Variants in SMPD4 observed in about 807,000 individuals in gnomAD.
SMPD4 encodes neutral sphingomyelinase 3.
In SMPD4, 58 loss-of-function variants were observed where a neutral mutation model predicts 97.8. The observed-to-expected ratio is 0.59, with a 90% CI of 0.48 to 0.74. The LOEUF is 0.74. SMPD4 is among the 30% of genes least tolerant of loss of function. The pLI, the probability that SMPD4 is intolerant of heterozygous loss-of-function variation, is 0.00. For missense variants in SMPD4, 853 were observed against 1,080.5 expected (o/e 0.79, Z 2.95); for synonymous variants, 388 against 450.0 (o/e 0.86, Z 1.74).
In SMPD4 at chr2:130,155,139, G is replaced by A. The variant is rs1483416288; in HGVS notation, c.1410C>T (p.Ala470=). The A allele has an allele frequency of 1.2e-6, 2 of 1,614,076 alleles. No individual in the cohort carries two copies. Among genetic ancestry groups the A allele is most frequent in the African/African-American group, 1.3e-5 (1 of 74,956 alleles). Residue 470 remains alanine, a synonymous_variant, in exon 15 of 20, where the codon GCC becomes GCT. Transcript: ENST00000680298. ...CCAGGTTGGGCTGGGCAAAGACTTT[G>A]GCCACTCGGAACACCATGAGCGCGT... The part of the protein sequence containing the change: ...PKHALMVFRV[A]KVFAQPNLAE...
Position 130,172,426 on chromosome 2 carries a change from C to A in SMPD4, c.582G>T (p.Trp194Cys). ...YFILVDRYLS[W>C]FLPTEGSVPP... The stretch of plus-strand genomic sequence containing the variant: ...GCACACTGCCTTCGGTGGGCAGGAA[C>A]CATGACAGGTACCTGTCCACCAGGA... Residue 194 changes from tryptophan (W) to cysteine (C), a missense_variant, in exon 8 of 20, where the codon TGG becomes TGT. Physicochemically the swap from Trp to Cys is radical, Grantham distance 215. This residue lies in a region of SMPD4 where 313 missense variants were observed against 402.2 expected (regional missense o/e 0.78). Transcript: ENST00000680298. The A allele has an allele frequency of 6.2e-7, 1 of 1,612,132 alleles. No homozygotes were observed. Among genetic ancestry groups the A allele is most frequent in the East Asian group, 2.2e-5 (1 of 44,836 alleles).
chr2:130,153,822 G>C lies in SMPD4; in HGVS notation c.1773C>G (p.Ser591Arg). Reference protein sequence around the residue: ...GHSFLSWLGFSSMDTNGSYTA... With the variant: ...GHSFLSWLGFRSMDTNGSYTA... ...TGTAGGAGCCATTGGTGTCCATGGA[G>C]CTAAAGCCCAGCCATGAGAGGAAGG... Residue 591 changes from serine (S) to arginine (R), a missense_variant, in exon 17 of 20, where the codon AGC becomes AGG. This residue lies in a region of SMPD4 where 511 missense variants were observed against 608.1 expected (regional missense o/e 0.84). Transcript: ENST00000680298. The C allele has an allele frequency of 6.2e-7, 1 of 1,614,004 alleles. No individual in the cohort carries two copies. Among genetic ancestry groups the C allele is most frequent in the Non-Finnish European group, 8.5e-7 (1 of 1,179,880 alleles).
chr2:130,157,936 G>A (rs371616729), intron 11 of SMPD4: 8 of 203,126 alleles, frequency 3.9e-5, no homozygotes, highest in East Asian at 1.3e-4. Flanking sequence ...GAAGAAGTTC[G>A]AGATTAGCCT....
intron 10 of SMPD4, among the ~76,000 whole-genome samples, chr2:130,161,528 C>T (rs1687418985): frequency 6.6e-6 from 1 of 152,222 alleles, no homozygotes; most frequent in South Asian, 2.1e-4. Flanking sequence ...GCTGTGGCCA[C>T]ACTCTCCTCG....
intron 8 of SMPD4, among the ~76,000 whole-genome samples, chr2:130,171,070 CAAAATAAAAT>C (rs766589958): frequency 1.0e-3 from 153 of 150,552 alleles, no homozygotes; most frequent in Non-Finnish European, 1.6e-3. Flanking sequence ...TCTCCAAACA[CAAAATAAAAT>C]AAAATAAAAT....
intron 16 of SMPD4, 68 bp downstream of exon 16, chr2:130,154,209 A>C: frequency 6.7e-7 from 1 of 1,486,734 alleles, no homozygotes; most frequent in South Asian, 1.4e-5. Flanking sequence ...GGATCACAGC[A>C]CTTCCCGGGT....
At chr2:130,173,792 C>T (rs1186455714) in intron 3 of SMPD4, 136 bp from the exon 4 acceptor site, 58 of 1,172,404 alleles carry the variant, frequency 4.9e-5, no homozygotes, top group Non-Finnish European at 6.9e-5. Context: ...CAGCCCTGCA[C>T]CCAAAGGAAG....
At chr2:130,163,104 A>T (rs991785135) in intron 10 of SMPD4, among the ~76,000 whole-genome samples, 2 of 152,234 alleles carry the variant, frequency 1.3e-5, no homozygotes, top group Non-Finnish European at 2.9e-5. Flanking sequence ...GAGCAACAGG[A>T]ACACAATGCG....
rs763213447 is a variant in SMPD4 at position 130,167,578 on chromosome 2, T to C, written c.672A>G (p.Ile224Met). The C allele has an allele frequency of 9.9e-6, 16 of 1,609,392 alleles. No individual in the cohort carries two copies. Among genetic ancestry groups the C allele is most frequent in the Middle Eastern group, 1.7e-4 (1 of 5,998 alleles). Residue 224 changes from isoleucine to methionine, a missense_variant, in exon 9 of 20, where the codon ATA becomes ATG. By Grantham distance (10) the Ile-to-Met change is conservative (BLOSUM62 1). Around this residue, in one of 3 missense-constraint regions of SMPD4, gnomAD observed 313 missense variants for 402.2 expected, o/e 0.78. Transcript: ENST00000680298. ...SPSPPPRTPAIPFASYGLHHT... is the reference protein window; with the variant it reads ...SPSPPPRTPAMPFASYGLHHT... Reference sequence around the variant, plus strand: ...GGTGGAGGCCATAGGAAGCAAAGGGTATGGCTGGTGTCCTGAGGGAGACAC... The same window carrying C: ...GGTGGAGGCCATAGGAAGCAAAGGGCATGGCTGGTGTCCTGAGGGAGACAC...
intron 1 of SMPD4, among the ~76,000 whole-genome samples, chr2:130,178,895 C>G (rs1489333799): frequency 6.6e-6 from 1 of 152,124 alleles, no homozygotes; most frequent in Non-Finnish European, 1.5e-5. Context: ...AATGCTCAGA[C>G]CTAGACTTCA....
At chr2:130,152,976 T>G in intron 19 of SMPD4, 67 bp downstream of exon 19, 1 of 1,567,148 alleles carries the variant, frequency 6.4e-7, no homozygotes, top group Non-Finnish European at 8.6e-7. Context: ...ACCCCAGGAC[T>G]GCACCCCAGG....
rs139167758 is a variant in SMPD4 at position 130,154,421 on chromosome 2, C to T, written c.1515G>A (p.Thr505=). The T allele has an allele frequency of 1.2e-3, 1,979 of 1,585,328 alleles. 40 individuals are homozygous for T. In the Admixed American group the frequency reaches 0.032, roughly 26 times the overall value. The change falls in exon 16 of 20, where the codon ACG becomes ACA. Residue 505 remains threonine (T), a synonymous_variant. Coordinates refer to ENST00000680298, the MANE Select transcript of SMPD4 (RefSeq NM_017951.5). ...VIPHRQHRLF[T]APTFTGSFLS... is the part of the protein sequence containing the mutation. Reference sequence around the variant, plus strand: ...GGAAGCTCCCAGTGAATGTGGGGGCCGTGAAGAGTCGGTGCTGGCGGTGGG... The same window carrying T: ...GGAAGCTCCCAGTGAATGTGGGGGCTGTGAAGAGTCGGTGCTGGCGGTGGG...
At position 130,172,725 on chromosome 2, in the gene SMPD4, C is replaced by T. The variant is rs1558761498; in HGVS notation, c.455-48G>A. ...ACATGCAGGGTTGATGAGCCACCCC[C>T]CGCTCAGTGTCAAGTGCTGGGCCAC... On this transcript the variant is annotated intron_variant, in intron 6 of 19. Coordinates refer to ENST00000680298, the MANE Select transcript of SMPD4 (RefSeq NM_017951.5). The T allele has an allele frequency of 3.7e-6, 6 of 1,614,150 alleles. No homozygotes were observed. In the East Asian group the frequency reaches 1.3e-4, roughly 36 times the overall value.
At chr2:130,165,219 G>A (rs185010632) in intron 9 of SMPD4, among the ~76,000 whole-genome samples, 13 of 150,392 alleles carry the variant, frequency 8.6e-5, no homozygotes, top group African/African-American at 2.9e-4. Context: ...TCAGGAGTTC[G>A]AGACCAGCCT....
At position 130,152,769 on chromosome 2, in the gene SMPD4, C is replaced by T. The variant is rs1173902251; in HGVS notation, c.2270G>A (p.Arg757Gln). The change falls in exon 20 of 20, where the codon CGG becomes CAG. Residue 757 changes from arginine to glutamine, a missense_variant. Transcript: ENST00000680298. ...GCGGGTGTGGCCGGCCACCTGCCTC[C>T]GCCCCACAGGGCTCAGCAGGTGCCT... Reference protein sequence around the residue: ...ASRHLLSPVGRRQVAGHTRGP... With the variant: ...ASRHLLSPVGQRQVAGHTRGP... 1.1e-5 allele frequency: 18 copies of T among 1,606,186 alleles called. No homozygotes were observed. The highest frequency in any genetic ancestry group is 2.2e-5 in the East Asian group (1 of 44,598).
intron 1 of SMPD4, among the ~76,000 whole-genome samples, chr2:130,177,959 A>T (rs1689130731): frequency 6.6e-6 from 1 of 152,208 alleles, no homozygotes; most frequent in Non-Finnish European, 1.5e-5. Flanking sequence ...CATTTTGCAC[A>T]TCCAATTAGA....
chr2:130,172,494 G>A lies in SMPD4; in HGVS notation c.514C>T (p.Pro172Ser), dbSNP rs1467167954. 6.2e-7 allele frequency: 1 copy of A among 1,611,328 alleles called. No individual in the cohort carries two copies. The highest frequency in any genetic ancestry group is 1.1e-5 in the South Asian group (1 of 90,798). Residue 172 changes from proline to serine, a missense_variant, in exon 8 of 20, where the codon CCT (proline) becomes TCT (serine). This residue lies in a region of SMPD4 where 313 missense variants were observed against 402.2 expected (regional missense o/e 0.78). Coordinates refer to ENST00000680298, the MANE Select transcript of SMPD4 (RefSeq NM_017951.5). ...GAAGTACGGACGTGGAGGGACACAG[G>A]AAGTGGCTGGAAAACCAAGCTAGTT... ...ALSLITQKPL[P>S]VSLHVRTSDC...
At chr2:130,169,538 A>G (rs1432094192) in intron 8 of SMPD4, among the ~76,000 whole-genome samples, 4 of 152,118 alleles carry the variant, frequency 2.6e-5, no homozygotes, top group Admixed American at 2.6e-4. Context: ...CAGTTTGGAA[A>G]TCTGGGTGAA....
At chr2:130,174,669 C>CAACCAA (rs1189672036) in intron 3 of SMPD4, among the ~76,000 whole-genome samples, 1 of 152,186 alleles carries the variant, frequency 6.6e-6, no homozygotes, top group African/African-American at 2.4e-5. Flanking sequence ...CCAGATGTGA[C>CAACCAA]AACCAAAAAT....
Sources: gnomAD v4.1 joint callset for allele counts (sites outside exome capture counted in the v4.1 genomes callset) on GRCh38, gnomAD v4.1.1 for gene constraint, gnomAD v4.1.1 regional missense constraint, MANE v1.5 for transcripts, NCBI Gene and HGNC (gene_info 2026-07-23, HGNC 2026-07-21) for gene names.